PRKG1: variants seen among roughly 807,000 people sequenced by gnomAD.
PRKG1 encodes the protein cGMP-dependent protein kinase 1.
A neutral mutation model predicts 88.1 loss-of-function variants in PRKG1; 35 were observed. That is an observed-to-expected ratio of 0.40 (90% confidence interval 0.30 to 0.53). PRKG1 has a LOEUF of 0.53. Among genes scored for constraint, PRKG1 ranks in the 20% least tolerant of loss-of-function variants. The probability of loss-of-function intolerance (pLI) is 0.59; values close to 1 mark genes in which losing one functional copy is unlikely to be tolerated. For missense variants in PRKG1, 540 were observed against 839.8 expected, an observed-to-expected ratio of 0.64 and a Z score of 4.41; for synonymous variants, 303 against 292.5, an observed-to-expected ratio of 1.04 and a Z score of -0.37.
chr10:52,074,355 CTT>C (rs1846579862), intron 7 of PRKG1, among the ~76,000 whole-genome samples: 1 of 152,030 alleles, frequency 6.6e-6, no homozygotes, highest in Non-Finnish European at 1.5e-5. Flanking sequence ...ATCAGGGTGT[CTT>C]AGTACTTTTC....
intron 3 of PRKG1, among the ~76,000 whole-genome samples, chr10:51,670,744 ATAAATAAATAAATAAAT>A (rs1564599488): frequency 8.0e-6 from 1 of 125,700 alleles, no homozygotes; most frequent in African/African-American, 3.3e-5. Context: ...TCAAAAAAAA[ATAAATAAATAAATAAAT>A]AAATAAATAA....
intron 7 of PRKG1, among the ~76,000 whole-genome samples, chr10:52,069,955 C>A (rs560545762): frequency 2.6e-5 from 4 of 151,004 alleles, no homozygotes; most frequent in African/African-American, 9.7e-5. Flanking sequence ...TGATTATAAC[C>A]TTTATATGTT....
intron 2 of PRKG1, among the ~76,000 whole-genome samples, chr10:51,161,003 C>T (rs1420886829): frequency 6.6e-6 from 1 of 151,820 alleles, no homozygotes; most frequent in East Asian, 1.9e-4. Context: ...AGTAATTGTC[C>T]TTTTCAAAGT....
chr10:51,649,778 A>G (rs1697028654), intron 3 of PRKG1, among the ~76,000 whole-genome samples: 1 of 152,184 alleles, frequency 6.6e-6, no homozygotes, highest in South Asian at 2.1e-4. Flanking sequence ...GGGTTCAAAT[A>G]TCTCCTAGAG....
chr10:51,033,553 G>A (rs569071010), intron 1 of PRKG1, among the ~76,000 whole-genome samples: 3 of 152,204 alleles, frequency 2.0e-5, no homozygotes, highest in East Asian at 3.9e-4. Flanking sequence ...TGACATTTAG[G>A]TTGGCCAATT....
intron 4 of PRKG1, among the ~76,000 whole-genome samples, chr10:51,902,005 A>T (rs1008134590): frequency 1.9e-4 from 29 of 152,190 alleles, no homozygotes; most frequent in Admixed American, 7.9e-4. Context: ...GTGTCTTTGG[A>T]CTTAAAGATT....
intron 3 of PRKG1, among the ~76,000 whole-genome samples, chr10:51,707,206 T>C (rs191693686): frequency 2.6e-4 from 39 of 152,306 alleles, no homozygotes; most frequent in African/African-American, 8.9e-4. Flanking sequence ...TACTAAACCA[T>C]GAAATGCACT....
rs946293013 is a variant in PRKG1 at position 51,840,539 on chromosome 10, TTA to T, written c.698+35851_698+35852del. On this transcript the variant is annotated intron_variant, in intron 4 of 17. Coordinates refer to ENST00000373980, the MANE Select transcript of PRKG1 (RefSeq NM_006258.4). Reference sequence around the variant, plus strand: ...CTATTTTATTTATTTATTTATTTATTTATTTATTTATTTATTTATTTATTGAG... The same window carrying T: ...CTATTTTATTTATTTATTTATTTATTTTTATTTATTTATTTATTTATTGAG... Among the ~76,000 whole-genome samples, 17 of 150,222 alleles carry T rather than the reference TTA, an allele frequency of 1.1e-4. No individual in the cohort carries two copies. In the South Asian group the frequency reaches 3.3e-3, roughly 30 times the overall value.
At chr10:52,189,840 G>A (rs1440516170) in intron 9 of PRKG1, among the ~76,000 whole-genome samples, 4 of 152,152 alleles carry the variant, frequency 2.6e-5, no homozygotes, top group African/African-American at 9.7e-5. Context: ...TGCAAGGAAA[G>A]CAAAAAGTAG....
chr10:52,125,346 CTGTT>C (rs889703258), intron 7 of PRKG1, among the ~76,000 whole-genome samples: 2 of 152,156 alleles, frequency 1.3e-5, no homozygotes, highest in Admixed American at 1.3e-4. Context: ...TTTCTCCTGA[CTGTT>C]TATCTTAAGG....
At chr10:51,577,144 G>T (rs1837909416) in intron 3 of PRKG1, among the ~76,000 whole-genome samples, 1 of 151,876 alleles carries the variant, frequency 6.6e-6, no homozygotes. Context: ...TTATCTAAAA[G>T]CTTTTCCTGG....
At chr10:51,538,998 G>T (rs1052397182) in intron 3 of PRKG1, among the ~76,000 whole-genome samples, 8 of 152,010 alleles carry the variant, frequency 5.3e-5, no homozygotes, top group East Asian at 3.9e-4. Context: ...GGAAGCAAAG[G>T]TACTTTTATT....
intron 3 of PRKG1, among the ~76,000 whole-genome samples, chr10:51,546,285 T>C (rs1368355392): frequency 1.3e-5 from 2 of 151,994 alleles, no homozygotes; most frequent in African/African-American, 4.8e-5. Context: ...ACTTCTTTAA[T>C]TTTTTTTCTG....
chr10:51,538,410 C>T (rs10823153), intron 3 of PRKG1, among the ~76,000 whole-genome samples: 38,742 of 147,586 alleles, frequency 0.26, 7,073 homozygotes, highest in East Asian at 0.87. Flanking sequence ...TATACATATA[C>T]ATATAATATA....
chr10:51,008,018 C>A (rs1245520283), intron 1 of PRKG1, among the ~76,000 whole-genome samples: 3 of 152,252 alleles, frequency 2.0e-5, no homozygotes, highest in Middle Eastern at 3.4e-3. Flanking sequence ...CTTGCTGGTC[C>A]AAGACGTCTG....
At chr10:52,105,453 A>AT (rs1213410593) in intron 7 of PRKG1, among the ~76,000 whole-genome samples, 2 of 152,188 alleles carry the variant, frequency 1.3e-5, no homozygotes, top group Admixed American at 1.3e-4. Context: ...GAATTAAGGC[A>AT]TCATGTTGCT....
chr10:51,807,805 CG>C (rs762437426), intron 4 of PRKG1, among the ~76,000 whole-genome samples: 3 of 151,816 alleles, frequency 2.0e-5, no homozygotes, highest in Non-Finnish European at 4.4e-5. Context: ...GGATGGCTTT[CG>C]GGGGGAAAAA....
chr10:51,167,184 G>A (rs895949423), intron 2 of PRKG1, among the ~76,000 whole-genome samples: 1 of 152,054 alleles, frequency 6.6e-6, no homozygotes, highest in South Asian at 2.1e-4. Context: ...ATACAACAGG[G>A]TGATGAAAGA....
At chr10:51,439,809 T>C (rs1176415748) in intron 2 of PRKG1, among the ~76,000 whole-genome samples, 1 of 151,912 alleles carries the variant, frequency 6.6e-6, no homozygotes, top group African/African-American at 2.4e-5. Flanking sequence ...GTCAAGGTAC[T>C]AAGATTGAAT....
Sources: gnomAD v4.1 joint callset for allele counts (sites outside exome capture counted in the v4.1 genomes callset) on GRCh38, gnomAD v4.1.1 for gene constraint, MANE v1.5 for transcripts, NCBI Gene and HGNC (gene_info 2026-07-23, HGNC 2026-07-21) for gene names.